The following RET variants were observed in gnomAD, a reference collection of about 807,000 sequenced individuals.
RET encodes the protein proto-oncogene tyrosine-protein kinase receptor Ret.
RET carries 19 observed loss-of-function variants against 118.3 expected under a neutral mutation model. The ratio of observed to expected loss-of-function variants is 0.16; its 90% CI spans 0.11 to 0.24. The LOEUF is 0.24. Among genes scored for constraint, RET ranks in the 10% least tolerant of loss-of-function variants. The pLI is 1.00. For synonymous variants in RET, 597 were observed against 644.1 expected (o/e 0.93, Z 1.11); for missense variants, 1,219 against 1,502.1 (o/e 0.81, Z 3.12).
At position 43,106,665 on chromosome 10, in the gene RET, T is replaced by C; in HGVS notation, c.1063+94T>C. 1 of 1,304,254 alleles carries C rather than the reference T, an allele frequency of 7.7e-7. No individual in the cohort carries two copies. The highest frequency in any genetic ancestry group is 1.1e-6 in the Non-Finnish European group (1 of 928,486). 80.8% of individuals were successfully genotyped at this position (1,304,254 alleles called of 1,614,324 possible). On this transcript the variant is annotated intron_variant, in intron 5 of 19. Transcript: ENST00000355710. This position sits in a 1 kb window ranked among gnomAD's most constrained non-coding sequence, Gnocchi z 5.1. ...GCAGCACCCTACACACATGCACACC[T>C]GGCATGGCCCTCTGTGGCCCAAGCC...
intron 15 of RET, among the ~76,000 whole-genome samples, chr10:43,120,965 C>T (rs573139487): frequency 2.0e-5 from 3 of 152,050 alleles, no homozygotes; most frequent in Middle Eastern, 3.4e-3. Context: ...CCACAAAAGG[C>T]GACTTCCTAT....
rs572623103 is a variant in RET at position 43,104,911 on chromosome 10, G to A, written c.626-41G>A. 1,447 of 1,542,506 alleles carry A rather than the reference G, an allele frequency of 9.4e-4. 6 individuals carry two copies. The Middle Eastern group carries it at 0.014, about 15-fold the overall frequency. The stretch of plus-strand genomic sequence containing the variant: ...CGAGGAAAGCGGCTGGCCCGGTCCC[G>A]GCTGGTGATCACGCGGGGCCCCTGT... On this transcript the variant is annotated intron_variant, in intron 3 of 19. Transcript: ENST00000355710.
At chr10:43,117,187 A>G (rs894848094) in intron 12 of RET, among the ~76,000 whole-genome samples, 3 of 152,234 alleles carry the variant, frequency 2.0e-5, no homozygotes, top group East Asian at 1.9e-4. Context: ...CTACCCACAC[A>G]GGCATGCGAC....
At chr10:43,125,105 G>A in intron 18 of RET, 123 bp downstream of exon 18, 2 of 865,502 alleles carry the variant, frequency 2.3e-6, no homozygotes, top group Admixed American at 2.0e-5. Flanking sequence ...ATTGTGCAGA[G>A]AGAGAGAGTC....
intron 1 of RET, among the ~76,000 whole-genome samples, chr10:43,078,847 A>T (rs1427514751): frequency 6.6e-6 from 1 of 152,222 alleles, no homozygotes; most frequent in African/African-American, 2.4e-5. Context: ...AGCTTCCCGA[A>T]TCCAGAGATG....
chr10:43,118,476 G>A lies in RET; in HGVS notation c.2388G>A (p.Gln796=), dbSNP rs1328507414. 1 of 1,612,926 alleles carries A rather than the reference G, an allele frequency of 6.2e-7. No homozygotes were observed. The highest frequency in any genetic ancestry group is 2.2e-5 in the East Asian group (1 of 44,878). ...HVIKLYGACS[Q]DGPLLLIVEY... is the part of the protein sequence containing the mutation. ...TCAAATTGTATGGGGCCTGCAGCCA[G>A]GATGGTAAGGCCAGCTGCAGGGTGA... The change falls in exon 13 of 20, where the codon CAG becomes CAA. Residue 796 remains glutamine (Q), a synonymous_variant. Transcript: ENST00000355710.
intron 1 of RET, among the ~76,000 whole-genome samples, chr10:43,083,491 G>A (rs1281981143): frequency 6.6e-6 from 1 of 152,220 alleles, no homozygotes; most frequent in Admixed American, 6.5e-5. Context: ...GTGCACAGGA[G>A]GGCACAGAGC....
rs987346675 is a variant in RET at position 43,111,979 on chromosome 10, C to G, written c.1523-120C>G. The stretch of plus-strand genomic sequence containing the variant: ...TCTTTGCTGCCCTGGGTCTGTCACT[C>G]CGGTCCCCTTGGGCTCCATCCGTGG... On this transcript the variant is annotated intron_variant, in intron 7 of 19. Transcript: ENST00000355710. 1.1e-5 allele frequency: 15 copies of G among 1,408,402 alleles called. No individual in the cohort carries two copies. In the African/African-American group the frequency reaches 2.0e-4, roughly 19 times the overall value. The allele number at this position is 1,408,402 out of a possible 1,614,324, so 87.2% of individuals were successfully genotyped here.
intron 1 of RET, among the ~76,000 whole-genome samples, chr10:43,095,352 G>A (rs1367002839): frequency 2.0e-5 from 3 of 152,096 alleles, no homozygotes; most frequent in East Asian, 1.9e-4. Flanking sequence ...TGTAACAACC[G>A]GAGACAGGAG....
chr10:43,111,581 G>A lies in RET; in HGVS notation c.1522+116G>A, dbSNP rs553784460. 7 of 1,180,298 alleles carry A rather than the reference G, an allele frequency of 5.9e-6. No homozygotes were observed. In the African/African-American group the frequency reaches 9.1e-5, roughly 15 times the overall value. 73.1% of individuals were successfully genotyped at this position (1,180,298 alleles called of 1,614,324 possible). ...AAGGCTTAGCTGGGGAGTGGGGAAG[G>A]CATGGACCAGCTTCACCCTGAGTGA... is the stretch of plus-strand genomic sequence containing the variant. On this transcript the variant is annotated intron_variant, in intron 7 of 19. Transcript: ENST00000355710.
chr10:43,128,028 A>G (rs1345504965), intron 19 of RET, 84 bp from the exon 20 acceptor site: 2 of 1,432,852 alleles, frequency 1.4e-6, no homozygotes, highest in East Asian at 2.3e-5. Flanking sequence ...TTGAACATCA[A>G]AGGGAGTTTT....
At chr10:43,096,937 C>T (rs538680721) in intron 1 of RET, among the ~76,000 whole-genome samples, 8 of 152,312 alleles carry the variant, frequency 5.3e-5, no homozygotes, top group East Asian at 1.9e-4. Context: ...CTGTGACAAG[C>T]GGGAACCTTA....
chr10:43,118,573 T>A, intron 13 of RET, 93 bp downstream of exon 13: 1 of 928,730 alleles, frequency 1.1e-6, no homozygotes, highest in Middle Eastern at 2.6e-4. Context: ...CTTTCCCTAC[T>A]GCTCCTGCCC....
rs1564502576 is a variant in RET, at chr10:43,128,167, TG to T, written c.3245del (p.Gly1082AlafsTer27). ...ESPVPLTRAD[G>X]TNTGFPRYPN... Reference sequence around the variant, plus strand: ...GTCCTGTACCACTCACGAGAGCTGATGGCACTAACACTGGGTTTCCAAGATA... The same window carrying T: ...GTCCTGTACCACTCACGAGAGCTGATGCACTAACACTGGGTTTCCAAGATA... On this transcript the variant is annotated frameshift_variant, in exon 20 of 20. Coordinates refer to ENST00000355710, the MANE Select transcript of RET (RefSeq NM_020975.6). LOFTEE classifies it high-confidence loss of function. 1 of 1,614,204 alleles carries T rather than the reference TG, an allele frequency of 6.2e-7. No individual in the cohort carries two copies. Among genetic ancestry groups the T allele is most frequent in the Non-Finnish European group, 8.5e-7 (1 of 1,180,020 alleles).
chr10:43,123,525 C>A, intron 16 of RET, 146 bp from the exon 17 acceptor site: 1 of 1,117,922 alleles, frequency 8.9e-7, no homozygotes, highest in Non-Finnish European at 1.4e-6. Flanking sequence ...TCTGAGCAGC[C>A]AGACCCAGGC....
Position 43,106,780 on chromosome 10 carries a change from C to G in RET, c.1063+209C>G, listed in dbSNP as rs1374484516. Reference sequence around the variant, plus strand: ...GCAGGGCTTTCACCATGGGACCTCTCTCCCTGAGCTGATCCATGGCCGACC... The same window carrying G: ...GCAGGGCTTTCACCATGGGACCTCTGTCCCTGAGCTGATCCATGGCCGACC... On this transcript the variant is annotated intron_variant, in intron 5 of 19. Transcript: ENST00000355710. This position sits in a 1 kb window ranked among gnomAD's most constrained non-coding sequence, Gnocchi z 5.1. Among the ~76,000 whole-genome samples, 2 of 152,180 alleles carry G rather than the reference C, an allele frequency of 1.3e-5. No homozygotes were observed. Among genetic ancestry groups the G allele is most frequent in the Admixed American group, 6.5e-5 (1 of 15,280 alleles).
chr10:43,091,720 C>T (rs1486566004), intron 1 of RET, among the ~76,000 whole-genome samples: 1 of 150,252 alleles, frequency 6.7e-6, no homozygotes, highest in African/African-American at 2.4e-5. Flanking sequence ...CAGATGGCCC[C>T]AAGAAGCACA....
intron 18 of RET, among the ~76,000 whole-genome samples, chr10:43,126,158 T>C (rs535058533): frequency 6.6e-6 from 1 of 152,266 alleles, no homozygotes; most frequent in South Asian, 2.1e-4. Flanking sequence ...CGTCCTGGCA[T>C]GTGGCTGCAG....
chr10:43,084,722 G>A (rs753584567), intron 1 of RET, among the ~76,000 whole-genome samples: 10 of 152,264 alleles, frequency 6.6e-5, no homozygotes, highest in Non-Finnish European at 1.2e-4. Flanking sequence ...CACTGCCCTC[G>A]AGGACCTTGA....
Sources: gnomAD v4.1 joint callset for allele counts (sites outside exome capture counted in the v4.1 genomes callset) on GRCh38, gnomAD v4.1.1 for gene constraint, Gnocchi (gnomAD v3.1) non-coding constraint, MANE v1.5 for transcripts, NCBI Gene and HGNC (gene_info 2026-07-23, HGNC 2026-07-21) for gene names.